RGL1: variants seen among roughly 807,000 people sequenced by gnomAD.
RGL1 encodes ral guanine nucleotide dissociation stimulator-like 1.
RGL1 carries 24 observed loss-of-function variants against 95.2 expected under a neutral mutation model. The observed-to-expected ratio is 0.25, with a 90% CI of 0.18 to 0.35. RGL1 has a LOEUF of 0.35. Ranked by LOEUF, RGL1 falls within the 10% of genes least tolerant of loss-of-function variation. The pLI is 1.00. For synonymous variants in RGL1, 329 were observed against 344.9 expected, an observed-to-expected ratio of 0.95 and a Z score of 0.51; for missense variants, 715 against 936.3, an observed-to-expected ratio of 0.76 and a Z score of 3.08.
intron 2 of RGL1, among the ~76,000 whole-genome samples, chr1:183,814,446 C>A (rs1258387873): frequency 6.6e-6 from 1 of 152,146 alleles, no homozygotes; most frequent in East Asian, 1.9e-4. Context: ...CTCTCACAGA[C>A]TCATTACCCT....
At chr1:183,690,868 A>G (rs1053575027) in intron 1 of RGL1, among the ~76,000 whole-genome samples, 2 of 152,186 alleles carry the variant, frequency 1.3e-5, no homozygotes, top group African/African-American at 4.8e-5. Flanking sequence ...GACATCAAGT[A>G]GTGACTCAAG....
At position 183,828,456 on chromosome 1, in the gene RGL1, G is replaced by A. The variant is rs560214873; in HGVS notation, c.139-19110G>A. On this transcript the variant is annotated intron_variant, in intron 2 of 17. Coordinates refer to ENST00000360851, the MANE Select transcript of RGL1 (RefSeq NM_001297671.3). ...GGAGTGGGGGTAGAGGGCAGCACGT[G>A]GGGATGTCTTCAGTGAGCAAATGGG... Among the ~76,000 whole-genome samples, 9 of 152,282 alleles carry A rather than the reference G, an allele frequency of 5.9e-5. No individual in the cohort carries two copies. In the East Asian group the frequency reaches 1.7e-3, roughly 29 times the overall value.
Position 183,809,693 on chromosome 1 carries a change from C to T in RGL1, c.138+3208C>T, listed in dbSNP as rs1266636079. ...AGCACAGTGGCTCATTCTTGTAATC[C>T]CAGCACTTTGAGAGGCCAAGGCAGG... is the stretch of plus-strand genomic sequence containing the variant. On this transcript the variant is annotated intron_variant, in intron 2 of 17. Transcript: ENST00000360851. 2.0e-5 allele frequency among the ~76,000 whole-genome samples: 3 copies of T among 152,114 alleles called. No individual in the cohort carries two copies. In the East Asian group the frequency reaches 5.8e-4, roughly 29 times the overall value.
chr1:183,914,616 G>A (rs1180996590), intron 15 of RGL1, among the ~76,000 whole-genome samples: 1 of 152,124 alleles, frequency 6.6e-6, no homozygotes, highest in African/African-American at 2.4e-5. Context: ...TTGCTCTTAA[G>A]GGTGAAGTGT....
intron 1 of RGL1, among the ~76,000 whole-genome samples, chr1:183,658,226 C>A (rs1213096033): frequency 6.6e-6 from 1 of 152,194 alleles, no homozygotes; most frequent in Non-Finnish European, 1.5e-5. Context: ...GGGTGCAGTG[C>A]ACCATGCGCC....
At chr1:183,850,126 G>A (rs939745335) in intron 3 of RGL1, among the ~76,000 whole-genome samples, 2 of 152,218 alleles carry the variant, frequency 1.3e-5, no homozygotes, top group African/African-American at 4.8e-5. Context: ...TTATGAGTGA[G>A]GTTTAGCATC....
At chr1:183,701,658 G>A (rs1654602874) in intron 1 of RGL1, among the ~76,000 whole-genome samples, 1 of 151,926 alleles carries the variant, frequency 6.6e-6, no homozygotes, top group African/African-American at 2.4e-5. Context: ...TATTTTATTG[G>A]CCGGGTGCAG....
At chr1:183,702,684 G>T (rs1469747247) in intron 1 of RGL1, among the ~76,000 whole-genome samples, 1 of 152,162 alleles carries the variant, frequency 6.6e-6, no homozygotes, top group East Asian at 1.9e-4. Flanking sequence ...TGACTCATGG[G>T]GCACATACTG....
chr1:183,685,357 AAG>A (rs571159738), intron 1 of RGL1, among the ~76,000 whole-genome samples: 31 of 152,316 alleles, frequency 2.0e-4, no homozygotes, highest in South Asian at 6.2e-4. Context: ...CTGGGAGACT[AAG>A]AAATTCTACT....
chr1:183,771,145 C>T (rs1184908452), intron 2 of RGL1, among the ~76,000 whole-genome samples: 1 of 152,156 alleles, frequency 6.6e-6, no homozygotes, highest in Non-Finnish European at 1.5e-5. Context: ...GTGCTTGGTC[C>T]TGTAAAAATC....
intron 1 of RGL1, among the ~76,000 whole-genome samples, chr1:183,679,938 G>A (rs575412023): frequency 6.6e-6 from 1 of 152,176 alleles, no homozygotes; most frequent in East Asian, 1.9e-4. Flanking sequence ...TCTCATTGTG[G>A]TTTTGATTTG....
chr1:183,748,394 C>CTTTTTTTT lies in RGL1; in HGVS notation c.132+6127_132+6134dup, dbSNP rs56920504. On this transcript the variant is annotated intron_variant, in intron 2 of 18. Coordinates refer to the RGL1 transcript ENST00000304685. ...TTTGAATTTGTTTGCTTCTCTAGTT[C>CTTTTTTTT]TTTTTTTTTTTTTTTTTTTTTTTTT... is the stretch of plus-strand genomic sequence containing the variant. Among the ~76,000 whole-genome samples, 126 of 69,726 alleles carry CTTTTTTTT rather than the reference C, an allele frequency of 1.8e-3. 17 individuals are homozygous for CTTTTTTTT. Among genetic ancestry groups the CTTTTTTTT allele is most frequent in the African/African-American group, 3.6e-3 (54 of 15,090 alleles). The allele number at this position is 69,726 out of a possible 152,430, so 45.7% of individuals were successfully genotyped here.
At chr1:183,915,511 A>G (rs1668905092) in intron 15 of RGL1, among the ~76,000 whole-genome samples, 1 of 152,250 alleles carries the variant, frequency 6.6e-6, no homozygotes, top group Non-Finnish European at 1.5e-5. Context: ...TGTCCTTGAT[A>G]CACATCATGA....
intron 14 of RGL1, among the ~76,000 whole-genome samples, chr1:183,911,555 A>T (rs1298913078): frequency 1.3e-5 from 2 of 152,042 alleles, no homozygotes; most frequent in Non-Finnish European, 2.9e-5. Context: ...TTCCTTTTTC[A>T]CTTAAGGCCT....
chr1:183,790,757 C>A (rs759491692), intron 2 of RGL1, among the ~76,000 whole-genome samples: 8 of 152,258 alleles, frequency 5.3e-5, no homozygotes, highest in Non-Finnish European at 1.2e-4. Flanking sequence ...CCACAAAATA[C>A]CATTGCACCA....
chr1:183,860,018 T>C (rs1665409018), intron 3 of RGL1, among the ~76,000 whole-genome samples: 1 of 152,208 alleles, frequency 6.6e-6, no homozygotes, highest in African/African-American at 2.4e-5. Context: ...ATTTCACCCA[T>C]GTCGTTCTCC....
chr1:183,923,158 C>G (rs1223542058), intron 17 of RGL1, among the ~76,000 whole-genome samples: 1 of 152,192 alleles, frequency 6.6e-6, no homozygotes, highest in Non-Finnish European at 1.5e-5. Context: ...AGACCCCAAA[C>G]TGTCCATTGC....
At chr1:183,649,515 G>T (rs1399609969) in intron 1 of RGL1, among the ~76,000 whole-genome samples, 8 of 152,116 alleles carry the variant, frequency 5.3e-5, no homozygotes, top group African/African-American at 1.7e-4. Context: ...TTGAGACTAG[G>T]ATCATGGGAT....
At chr1:183,686,845 C>T (rs1011826314) in intron 1 of RGL1, among the ~76,000 whole-genome samples, 1 of 152,178 alleles carries the variant, frequency 6.6e-6, no homozygotes, top group Non-Finnish European at 1.5e-5. Context: ...GCCTCAGTGC[C>T]ATCTCAAACC....
Sources: gnomAD v4.1 joint callset for allele counts (sites outside exome capture counted in the v4.1 genomes callset) on GRCh38, gnomAD v4.1.1 for gene constraint, MANE v1.5 for transcripts, NCBI Gene and HGNC (gene_info 2026-07-23, HGNC 2026-07-21) for gene names.